Variants in DOCK9 observed in about 807,000 individuals in gnomAD.
DOCK9 encodes dedicator of cytokinesis 9, also known as dedicator of cytokinesis protein 9.
Under a neutral mutation model 263.3 loss-of-function variants are expected in DOCK9, and 89 were observed. That is an observed-to-expected ratio of 0.34 (90% CI 0.28 to 0.40). The LOEUF (loss-of-function observed/expected upper bound fraction) is 0.40, where lower values mean the gene tolerates loss of function less well. DOCK9 is among the 10% of genes least tolerant of loss of function. The pLI is 1.00. For synonymous variants in DOCK9, 976 were observed against 973.1 expected (o/e 1.00, Z -0.06); for missense variants, 2,140 against 2,603.4 (o/e 0.82, Z 3.87).
chr13:98,829,590 C>T lies in DOCK9; in HGVS notation c.4749+53G>A. 1 of 1,578,480 alleles carries T rather than the reference C, an allele frequency of 6.3e-7. No homozygotes were observed. Among genetic ancestry groups the T allele is most frequent in the Non-Finnish European group, 8.6e-7 (1 of 1,157,394 alleles). ...GTTTGCTGCCTGTCCACAAGCACCT[C>T]AGGTGCTGATGCAGAGTCTCAGGGT... On this transcript the variant is annotated intron_variant, in intron 42 of 52. Coordinates refer to ENST00000682017, the MANE Select transcript of DOCK9 (RefSeq NM_001366683.2). This position sits in a 1 kb window ranked among gnomAD's most constrained non-coding sequence, Gnocchi z 4.1.
intron 1 of DOCK9, among the ~76,000 whole-genome samples, chr13:99,036,365 AGAGCTT>A (rs1887878971): frequency 6.6e-6 from 1 of 152,136 alleles, no homozygotes; most frequent in African/African-American, 2.4e-5. Context: ...AAGAGGCCAG[AGAGCTT>A]GCTAGCTCTC....
intron 1 of DOCK9, among the ~76,000 whole-genome samples, chr13:99,062,606 C>T (rs147886678): frequency 1.3e-5 from 2 of 152,184 alleles, no homozygotes; most frequent in Non-Finnish European, 2.9e-5. Flanking sequence ...TGTCTGCATT[C>T]GCTCCCGCAA....
At chr13:98,954,386 C>A (rs1282556921) in intron 2 of DOCK9, among the ~76,000 whole-genome samples, 1 of 152,156 alleles carries the variant, frequency 6.6e-6, no homozygotes, top group Non-Finnish European at 1.5e-5. Context: ...AGGAAAGTAA[C>A]CAGAACCTCC....
In DOCK9 at chr13:98,879,808, C is replaced by T. The variant is rs578007860; in HGVS notation, c.2943+90G>A. Reference sequence around the variant, plus strand: ...ACTTAGAACAGTCCTGTAACTGGCACAGAGAAAGCATGAAGAAACGTTCAC... The same window carrying T: ...ACTTAGAACAGTCCTGTAACTGGCATAGAGAAAGCATGAAGAAACGTTCAC... On this transcript the variant is annotated intron_variant, in intron 27 of 52. Coordinates refer to ENST00000682017, the MANE Select transcript of DOCK9 (RefSeq NM_001366683.2). The T allele has an allele frequency of 2.0e-5, 22 of 1,100,598 alleles. No homozygotes were observed. The Admixed American group carries it at 2.4e-4, about 12-fold the overall frequency. 68.2% of individuals were successfully genotyped at this position (1,100,598 alleles called of 1,614,324 possible).
At chr13:99,084,314 T>C (rs2042245059) in intron 1 of DOCK9, among the ~76,000 whole-genome samples, 1 of 152,222 alleles carries the variant, frequency 6.6e-6, no homozygotes, top group African/African-American at 2.4e-5. Flanking sequence ...ATGCATTTCC[T>C]ATTTCCCATT....
At chr13:99,085,852 A>ACGGGGGAGGGATG (rs1260418801) in intron 1 of DOCK9, among the ~76,000 whole-genome samples, 8 of 122,086 alleles carry the variant, frequency 6.6e-5, no homozygotes, top group Middle Eastern at 3.8e-3. Flanking sequence ...GGGGAGGGAT[A>ACGGGGGAGGGATG]CGGGGGAGGG....
intron 27 of DOCK9, among the ~76,000 whole-genome samples, chr13:98,877,681 C>T (rs978909582): frequency 6.6e-6 from 1 of 152,152 alleles, no homozygotes; most frequent in African/African-American, 2.4e-5. Flanking sequence ...GCACTTTGTT[C>T]CTACCTCTTC....
In DOCK9 at chr13:98,877,412, G is replaced by T. The variant is rs187956132; in HGVS notation, c.2943+2486C>A. Among the ~76,000 whole-genome samples the T allele has an allele frequency of 1.2e-4, 18 of 152,308 alleles. No individual in the cohort carries two copies. In the East Asian group the frequency reaches 3.1e-3, roughly 26 times the overall value. On this transcript the variant is annotated intron_variant, in intron 27 of 52. Transcript: ENST00000682017. ...CTGGCGCTTGATTTTGAATATCCTT[G>T]TATGTATTCCTGGAAGTGTTCGTTA...
intron 1 of DOCK9, among the ~76,000 whole-genome samples, chr13:99,056,884 G>C (rs571143266): frequency 6.6e-6 from 1 of 152,162 alleles, no homozygotes; most frequent in African/African-American, 2.4e-5. Context: ...GTACAGCAGC[G>C]GGGATCCGAG....
intron 1 of DOCK9, among the ~76,000 whole-genome samples, chr13:99,070,518 G>T (rs900977626): frequency 6.6e-6 from 1 of 152,202 alleles, no homozygotes; most frequent in African/African-American, 2.4e-5. Flanking sequence ...ACTTTAAAGG[G>T]TTATATGGTA....
intron 1 of DOCK9, among the ~76,000 whole-genome samples, chr13:98,997,344 A>G (rs1879044500): frequency 6.6e-6 from 1 of 152,230 alleles, no homozygotes; most frequent in Non-Finnish European, 1.5e-5. Flanking sequence ...AACTTGGAGT[A>G]AAAAAGAACT....
intron 49 of DOCK9, among the ~76,000 whole-genome samples, chr13:98,804,625 C>T (rs141811603): frequency 1.0e-3 from 156 of 152,286 alleles, no homozygotes; most frequent in Admixed American, 2.8e-3. Flanking sequence ...GTGTGTGAGA[C>T]GGGTCCCTCC....
intron 1 of DOCK9, among the ~76,000 whole-genome samples, chr13:98,997,202 G>T (rs1881256661): frequency 6.6e-6 from 1 of 152,226 alleles, no homozygotes; most frequent in South Asian, 2.1e-4. Context: ...CTGCCTGCAG[G>T]CCCACACGTC....
chr13:99,071,871 ACTT>A, intron 1 of DOCK9, among the ~76,000 whole-genome samples: 1 of 152,294 alleles, frequency 6.6e-6, no homozygotes, highest in South Asian at 2.1e-4. Context: ...TCTGACGTCA[ACTT>A]CTTTTCTGGC....
Position 98,816,954 on chromosome 13 carries a change from C to G in DOCK9, c.5131-6663G>C, listed in dbSNP as rs546801789. Among the ~76,000 whole-genome samples the G allele has an allele frequency of 1.2e-4, 18 of 152,126 alleles. 1 individual carries two copies. The East Asian group carries it at 3.5e-3, about 29-fold the overall frequency. ...CACACTCGGAGCTTCCTAAGTCAAACATAAATTAATAATCAACTGTAGATA... is the reference window on the plus strand; with the variant it reads ...CACACTCGGAGCTTCCTAAGTCAAAGATAAATTAATAATCAACTGTAGATA... On this transcript the variant is annotated intron_variant, in intron 45 of 52. Transcript: ENST00000682017.
intron 50 of DOCK9, among the ~76,000 whole-genome samples, chr13:98,799,857 T>C (rs1566509209): frequency 1.3e-5 from 2 of 152,192 alleles, no homozygotes; most frequent in Non-Finnish European, 2.9e-5. Context: ...ATTAAAATAA[T>C]GAATTCATTA....
intron 1 of DOCK9, among the ~76,000 whole-genome samples, chr13:99,044,536 G>T (rs1214164679): frequency 2.6e-5 from 4 of 152,178 alleles, no homozygotes; most frequent in Admixed American, 2.6e-4. Context: ...AGGAACACCA[G>T]ACTATTATGT....
At chr13:98,900,382 G>T (rs138268657) in intron 13 of DOCK9, among the ~76,000 whole-genome samples, 81 of 152,200 alleles carry the variant, frequency 5.3e-4, no homozygotes, top group African/African-American at 1.9e-3. Flanking sequence ...CTTATATTGG[G>T]CCTTCATTGA....
At chr13:99,015,617 T>A in intron 1 of DOCK9, 3 of 1,581,644 alleles carry the variant, frequency 1.9e-6, no homozygotes, top group Non-Finnish European at 2.6e-6. Context: ...ATCCCCAAGG[T>A]GTGGATGTTC....
Sources: allele counts gnomAD v4.1 joint callset (sites outside exome capture counted in the v4.1 genomes callset), GRCh38; gene constraint gnomAD v4.1.1; non-coding constraint Gnocchi (gnomAD v3.1); transcripts MANE v1.5; gene names NCBI Gene and HGNC (gene_info 2026-07-23, HGNC 2026-07-21).